Variants in SYNE1 observed in about 807,000 individuals in gnomAD.
SYNE1 encodes the protein nesprin-1.
SYNE1 carries 616 observed loss-of-function variants against 1,111.0 expected under a neutral mutation model. The ratio of observed to expected loss-of-function variants is 0.55; its 90% CI spans 0.52 to 0.59. The LOEUF (loss-of-function observed/expected upper bound fraction) is 0.59. SYNE1 is among the 20% of genes least tolerant of loss of function. The probability of loss-of-function intolerance (pLI) is 0.00; values close to 1 mark genes in which losing one functional copy is unlikely to be tolerated. For synonymous variants in SYNE1, 3,855 were observed against 3,825.8 expected (o/e 1.01, Z -0.28); for missense variants, 10,006 against 10,417.0 (o/e 0.96, Z 1.72).
At position 152,255,040 on chromosome 6, in the gene SYNE1, T is replaced by C. The variant is rs901955227; in HGVS notation, c.19310A>G (p.Lys6437Arg). 6.2e-7 allele frequency: 1 copy of C among 1,611,520 alleles called. No homozygotes were observed. The highest frequency in any genetic ancestry group is 1.7e-5 in the Admixed American group (1 of 59,828). Residue 6437 changes from lysine to arginine, a missense_variant, in exon 104 of 146, where the codon AAA (lysine) becomes AGA (arginine). By Grantham distance (26) the Lys-to-Arg change is conservative (BLOSUM62 2). Coordinates refer to ENST00000367255, the MANE Select transcript of SYNE1 (RefSeq NM_182961.4). Reference sequence around the variant, plus strand: ...TGGAAAAGCTTGGGAAAACAAGTTTTTGTTCTTATCCATTTCTTCAGACAT... The same window carrying C: ...TGGAAAAGCTTGGGAAAACAAGTTTCTGTTCTTATCCATTTCTTCAGACAT... ...KEMSEEMDKN[K>R]NLFSQAFPEN...
chr6:152,557,305 T>A (rs12199541), intron 3 of SYNE1, among the ~76,000 whole-genome samples: 64,583 of 151,840 alleles, frequency 0.43, 14,156 homozygotes, highest in Admixed American at 0.5. Context: ...GAAGAAAGCC[T>A]ATGGAACATA....
Position 152,396,789 on chromosome 6 carries a change from A to C in SYNE1, c.7542T>G (p.Ala2514=). Residue 2514 remains alanine (A), a synonymous_variant, in exon 50 of 146, where the codon GCT becomes GCG. Coordinates refer to ENST00000367255, the MANE Select transcript of SYNE1 (RefSeq NM_182961.4). ...AACTAACCTACCTTCCAAGTTCTGA[A>C]GCACAGTCTTGAAGAGCCTGCTTAT... The part of the protein sequence containing the change: ...LKDKQALQDC[A]SELGSFEDQH... 3 of 1,614,158 alleles carry C rather than the reference A, an allele frequency of 1.9e-6. No individual in the cohort carries two copies. Among genetic ancestry groups the C allele is most frequent in the Non-Finnish European group, 2.5e-6 (3 of 1,180,008 alleles).
At chr6:152,619,633 T>C (rs1333300306) in intron 3 of SYNE1, among the ~76,000 whole-genome samples, 1 of 152,090 alleles carries the variant, frequency 6.6e-6, no homozygotes, top group Non-Finnish European at 1.5e-5. Context: ...ACTAGTTTAG[T>C]TACATAGCAA....
At chr6:152,414,861 G>A (rs1326071458) in intron 41 of SYNE1, among the ~76,000 whole-genome samples, 1 of 152,018 alleles carries the variant, frequency 6.6e-6, no homozygotes. Context: ...CTTTATTCTG[G>A]AGGCTATTTT....
rs1159137526 is a variant in SYNE1 at position 152,315,197 on chromosome 6, C to CTATTTTTTTTTTTTTTTTTTTTTTTTTT, written c.16710+1651_16710+1652insAAAAAAAAAAAAAAAAAAAAAAAAAATA. 1.8e-5 allele frequency: 2 copies of CTATTTTTTTTTTTTTTTTTTTTTTTTTT among 110,944 alleles called. 1 individual carries two copies. 6.9% of individuals were successfully genotyped at this position (110,944 alleles called of 1,614,324 possible). A position where few individuals can be genotyped will look rare whatever the true frequency, so the allele number is the denominator to read the frequency against. On this transcript the variant is annotated intron_variant, in intron 87 of 145. Coordinates refer to ENST00000367255, the MANE Select transcript of SYNE1 (RefSeq NM_182961.4). ...AGGAGCCAACAGGCCAGAGTAGTAA[C>CTATTTTTTTTTTTTTTTTTTTTTTTTTT]TTTTTTTTTTTTTTTTTTTTTTTTG...
chr6:152,385,863 T>C, intron 54 of SYNE1, 25 bp from the exon 55 acceptor site: 1 of 1,612,774 alleles, frequency 6.2e-7, no homozygotes, highest in Non-Finnish European at 8.5e-7. Flanking sequence ...AAAGACTACC[T>C]TAACAGTGGT....
At position 152,550,811 on chromosome 6, in the gene SYNE1, C is replaced by T. The variant is rs534658666; in HGVS notation, c.68-10790G>A. Among the ~76,000 whole-genome samples the T allele has an allele frequency of 5.5e-4, 83 of 152,156 alleles. 1 individual carries two copies. Among genetic ancestry groups the T allele is most frequent in the African/African-American group, 1.9e-3 (79 of 41,486 alleles). ...AGTGAACCATAATAAATAGTATGTG[C>T]ACCGTATCACGTTTCTAAAATCCAA... On this transcript the variant is annotated intron_variant, in intron 3 of 145. Coordinates refer to ENST00000367255, the MANE Select transcript of SYNE1 (RefSeq NM_182961.4).
chr6:152,124,680 C>T (rs1454328607), intron 145 of SYNE1, among the ~76,000 whole-genome samples: 1 of 120,558 alleles, frequency 8.3e-6, no homozygotes, highest in African/African-American at 3.4e-5. Context: ...TGAGTTATTC[C>T]TAATAAGCTG....
At chr6:152,340,614 G>A (rs150911259) in intron 74 of SYNE1, among the ~76,000 whole-genome samples, 11 of 152,284 alleles carry the variant, frequency 7.2e-5, no homozygotes, top group Admixed American at 6.5e-5. Context: ...GAACCACTGC[G>A]CTAGTCCCAT....
At chr6:152,632,101 A>C (rs1293925363) in intron 2 of SYNE1, among the ~76,000 whole-genome samples, 4 of 152,138 alleles carry the variant, frequency 2.6e-5, no homozygotes, top group African/African-American at 9.7e-5. Context: ...TCTATCTTTC[A>C]CTACTGCTAG....
Position 152,444,725 on chromosome 6 carries a change from G to C in SYNE1, c.3670-147C>G. 4.1e-6 allele frequency: 3 copies of C among 738,236 alleles called. No individual in the cohort carries two copies. The South Asian group carries it at 5.5e-5, about 14-fold the overall frequency. The allele number at this position is 738,236 out of a possible 1,614,324, so 45.7% of individuals were successfully genotyped here. Reference sequence around the variant, plus strand: ...ACTGTGAAATGATTCTCCACATCAGGCTAATTAGCCTGTCATCTCACATAT... The same window carrying C: ...ACTGTGAAATGATTCTCCACATCAGCCTAATTAGCCTGTCATCTCACATAT... On this transcript the variant is annotated intron_variant, in intron 29 of 145. Coordinates refer to ENST00000367255, the MANE Select transcript of SYNE1 (RefSeq NM_182961.4).
chr6:152,368,842 C>A, intron 61 of SYNE1, 130 bp downstream of exon 61: 1 of 1,088,850 alleles, frequency 9.2e-7, no homozygotes, highest in Non-Finnish European at 1.4e-6. Context: ...GCACACACGC[C>A]CCTTACTGCT....
At chr6:152,167,769 A>G (rs766510070) in intron 130 of SYNE1, 1 of 557,372 alleles carries the variant, frequency 1.8e-6, no homozygotes, top group Non-Finnish European at 3.6e-6. Context: ...ATAGCAGATG[A>G]TGGACTAACT....
chr6:152,175,414 G>T (rs182554281), intron 130 of SYNE1, among the ~76,000 whole-genome samples: 1 of 152,168 alleles, frequency 6.6e-6, no homozygotes, highest in Non-Finnish European at 1.5e-5. Context: ...ATTGTTTCAC[G>T]TCCACTTTTA....
intron 2 of SYNE1, among the ~76,000 whole-genome samples, chr6:152,632,431 TTATC>T (rs1387623917): frequency 1.3e-5 from 2 of 152,220 alleles, no homozygotes; most frequent in South Asian, 2.1e-4. Context: ...TACTGATACT[TTATC>T]TAATTACATG....
At chr6:152,478,005 G>T (rs1160604311) in intron 14 of SYNE1, among the ~76,000 whole-genome samples, 1 of 152,120 alleles carries the variant, frequency 6.6e-6, no homozygotes, top group Non-Finnish European at 1.5e-5. Flanking sequence ...GGACTCATGT[G>T]CTCCTCCTGC....
At chr6:152,409,524 G>A (rs763696775) in intron 43 of SYNE1, 35 bp downstream of exon 43, 2 of 1,610,538 alleles carry the variant, frequency 1.2e-6, no homozygotes, top group South Asian at 2.2e-5. Flanking sequence ...ATCTACTAAA[G>A]CAGAATACCA....
At chr6:152,280,965 AAGTT>A (rs1394984039) in intron 97 of SYNE1, among the ~76,000 whole-genome samples, 1 of 152,200 alleles carries the variant, frequency 6.6e-6, no homozygotes, top group Non-Finnish European at 1.5e-5. Flanking sequence ...ATTAAGAAAA[AAGTT>A]AGTGTGCACT....
chr6:152,450,578 G>A (rs563610919), intron 27 of SYNE1, 47 bp downstream of exon 27: 1 of 1,472,358 alleles, frequency 6.8e-7, no homozygotes, highest in African/African-American at 1.4e-5. Context: ...CGAACTAACA[G>A]AATTAAGTTT....
Sources: allele counts gnomAD v4.1 joint callset (sites outside exome capture counted in the v4.1 genomes callset), GRCh38; gene constraint gnomAD v4.1.1; transcripts MANE v1.5; gene names NCBI Gene and HGNC (gene_info 2026-07-23, HGNC 2026-07-21).